Variants in SAE1 observed in about 807,000 individuals in gnomAD.
The protein encoded by SAE1 is SUMO1 activating enzyme subunit 1.
In SAE1, 11 loss-of-function variants were observed where a neutral mutation model predicts 40.6. That is an observed-to-expected ratio of 0.27 (90% confidence interval 0.17 to 0.45). SAE1 has a LOEUF of 0.45. Among genes scored for constraint, SAE1 ranks in the 20% least tolerant of loss-of-function variants. The pLI is 1.00. For missense variants in SAE1, 373 were observed against 427.3 expected (o/e 0.87, Z 1.12); for synonymous variants, 155 against 154.3 (o/e 1.00, Z -0.03).
At chr19:47,154,055 TGCTG>T (rs2058304847) in intron 4 of SAE1, among the ~76,000 whole-genome samples, 1 of 151,364 alleles carries the variant, frequency 6.6e-6, no homozygotes, top group South Asian at 2.1e-4. Context: ...CCTCCCAAAG[TGCTG>T]GGATTACACA....
At chr19:47,141,279 G>A (rs184077058) in intron 1 of SAE1, among the ~76,000 whole-genome samples, 1 of 152,306 alleles carries the variant, frequency 6.6e-6, no homozygotes, top group Admixed American at 6.5e-5. Flanking sequence ...TGGGATTACA[G>A]GCGTGAGCCC....
At chr19:47,145,996 A>G (rs188837327) in intron 2 of SAE1, among the ~76,000 whole-genome samples, 1 of 146,394 alleles carries the variant, frequency 6.8e-6, no homozygotes, top group African/African-American at 2.6e-5. Flanking sequence ...GTTGTGGTAC[A>G]TGAAAGATTT....
intron 7 of SAE1, among the ~76,000 whole-genome samples, chr19:47,200,853 C>G (rs1173317377): frequency 6.6e-6 from 1 of 151,800 alleles, no homozygotes. Flanking sequence ...TTATCTGGTT[C>G]TTTTGTTTGT....
intron 6 of SAE1, among the ~76,000 whole-genome samples, chr19:47,172,425 A>G (rs373420732): frequency 6.0e-4 from 91 of 152,252 alleles, no homozygotes; most frequent in African/African-American, 2.1e-3. Context: ...CTTGTTGCTC[A>G]CTGCCTCGCA....
At chr19:47,207,156 T>C (rs1489593144) in intron 8 of SAE1, among the ~76,000 whole-genome samples, 1 of 152,134 alleles carries the variant, frequency 6.6e-6, no homozygotes, top group Non-Finnish European at 1.5e-5. Context: ...TGGGAGGATA[T>C]CTGGAGCTGG....
chr19:47,196,389 A>C (rs2058616376), intron 6 of SAE1, among the ~76,000 whole-genome samples: 1 of 108,016 alleles, frequency 9.3e-6, no homozygotes. Context: ...TTTGAGACGG[A>C]GTCTCACTCT....
chr19:47,188,027 G>T (rs1180209006), intron 6 of SAE1, among the ~76,000 whole-genome samples: 1 of 152,082 alleles, frequency 6.6e-6, no homozygotes, highest in African/African-American at 2.4e-5. Context: ...CAGTCCTTGT[G>T]CTAGTTCATT....
At chr19:47,138,500 CATT>C (rs200780949) in intron 1 of SAE1, among the ~76,000 whole-genome samples, 1,913 of 152,226 alleles carry the variant, frequency 0.013, 94 homozygotes, top group Admixed American at 0.096. Context: ...AAATGTTGGC[CATT>C]ATTATTTTAT....
chr19:47,138,073 C>A (rs940643268), intron 1 of SAE1, among the ~76,000 whole-genome samples: 1 of 146,040 alleles, frequency 6.8e-6, no homozygotes, highest in Admixed American at 6.9e-5. Context: ...GACGGAATTT[C>A]TCTCTTGTTG....
At chr19:47,155,080 TA>T in intron 4 of SAE1, 33 bp from the exon 5 acceptor site, 2 of 1,314,546 alleles carry the variant, frequency 1.5e-6, no homozygotes, top group Non-Finnish European at 2.2e-6. Context: ...ATTCCTAGGG[TA>T]AAATTACATT....
chr19:47,171,371 G>A (rs1028888027), intron 6 of SAE1, among the ~76,000 whole-genome samples: 18 of 151,710 alleles, frequency 1.2e-4, no homozygotes, highest in African/African-American at 3.9e-4. Context: ...TTGGCACACT[G>A]CAACCTCTGC....
At chr19:47,151,213 G>A (rs759360566) in intron 3 of SAE1, among the ~76,000 whole-genome samples, 1 of 151,570 alleles carries the variant, frequency 6.6e-6, no homozygotes, top group East Asian at 1.9e-4. Context: ...GCAATTGTGC[G>A]ATCTTGGCTC....
intron 2 of SAE1, among the ~76,000 whole-genome samples, chr19:47,144,396 C>T (rs892434743): frequency 1.7e-4 from 26 of 151,166 alleles, no homozygotes; most frequent in African/African-American, 5.8e-4. Context: ...CCACAGACAT[C>T]ACTTTAAAAA....
rs566364534 is a variant in SAE1, at chr19:47,151,059, A to T, written c.384+684A>T. Among the ~76,000 whole-genome samples, 5 of 152,332 alleles carry T rather than the reference A, an allele frequency of 3.3e-5. No homozygotes were observed. In the East Asian group the frequency reaches 9.6e-4, roughly 29 times the overall value. On this transcript the variant is annotated intron_variant, in intron 3 of 8. Transcript: ENST00000270225. ...CTTAACAAATCTTGATAAATGTGAA[A>T]TAGTCATAGATGAGCTACTAGTTTT...
At chr19:47,139,980 C>T (rs1485578679) in intron 1 of SAE1, among the ~76,000 whole-genome samples, 1 of 147,450 alleles carries the variant, frequency 6.8e-6, no homozygotes, top group South Asian at 2.1e-4. Flanking sequence ...CTCTTTCGTC[C>T]AGGCTGAAGT....
At chr19:47,138,817 A>G (rs77871161) in intron 1 of SAE1, among the ~76,000 whole-genome samples, 135 of 152,302 alleles carry the variant, frequency 8.9e-4, no homozygotes, top group East Asian at 1.4e-3. Flanking sequence ...CCCCATTTCA[A>G]TCAAAACAGT....
At chr19:47,189,305 C>A (rs1046811525) in intron 6 of SAE1, among the ~76,000 whole-genome samples, 2 of 151,952 alleles carry the variant, frequency 1.3e-5, no homozygotes, top group African/African-American at 4.8e-5. Context: ...CGCCTGTAAC[C>A]CCAGCGCTTT....
intron 8 of SAE1, 120 bp from the exon 9 acceptor site, chr19:47,209,039 T>C (rs1433292356): frequency 1.2e-6 from 1 of 867,670 alleles, no homozygotes; most frequent in Non-Finnish European, 1.8e-6. Flanking sequence ...CAAATAGCCC[T>C]TTGGGAGCAA....
intron 6 of SAE1, among the ~76,000 whole-genome samples, chr19:47,171,727 G>A (rs1201821589): frequency 6.6e-6 from 1 of 151,940 alleles, no homozygotes; most frequent in East Asian, 1.9e-4. Flanking sequence ...GTCTCCCAAA[G>A]TGTTGGGATT....
Sources: allele counts gnomAD v4.1 joint callset (sites outside exome capture counted in the v4.1 genomes callset), GRCh38; gene constraint gnomAD v4.1.1; transcripts MANE v1.5; gene names NCBI Gene and HGNC (gene_info 2026-07-23, HGNC 2026-07-21).